GFM2: variants seen among roughly 807,000 people sequenced by gnomAD.
GFM2 encodes GTP dependent ribosome recycling factor mitochondrial 2.
A neutral mutation model predicts 95.4 loss-of-function variants in GFM2; 72 were observed. The observed-to-expected ratio is 0.76, with a 90% confidence interval of 0.62 to 0.92. The LOEUF is 0.92. GFM2 is among the 40% of genes least tolerant of loss of function. GFM2 has a pLI of 0.00. For missense variants in GFM2, 825 were observed against 924.1 expected, an observed-to-expected ratio of 0.89 and a Z score of 1.39; for synonymous variants, 276 against 317.5, an observed-to-expected ratio of 0.87 and a Z score of 1.39.
At chr5:74,756,434 C>T (rs1366008803) in intron 5 of GFM2, among the ~76,000 whole-genome samples, 3 of 152,118 alleles carry the variant, frequency 2.0e-5, no homozygotes, top group Non-Finnish European at 4.4e-5. Flanking sequence ...TTTATCCACT[C>T]ATTGATTGGC....
In GFM2 at chr5:74,728,748, C is replaced by CTTTTTTT. The variant is rs57180600; in HGVS notation, c.1726+1505_1726+1511dup. 5.5e-4 allele frequency among the ~76,000 whole-genome samples: 32 copies of CTTTTTTT among 58,244 alleles called. 1 individual carries two copies. Among genetic ancestry groups the CTTTTTTT allele is most frequent in the African/African-American group, 9.8e-4 (16 of 16,248 alleles). The allele number at this position is 58,244 out of a possible 152,430, so 38.2% of individuals were successfully genotyped here. A position where few individuals can be genotyped will look rare whatever the true frequency, so the allele number is the denominator to read the frequency against. ...AATATTCTTTTATGTGTGGGGGTTTCTTTTTTTTTTTTTTTTTTTTTTTTT... is the reference window on the plus strand; with the variant it reads ...AATATTCTTTTATGTGTGGGGGTTTCTTTTTTTTTTTTTTTTTTTTTTTTTTTTTTTT... On this transcript the variant is annotated intron_variant, in intron 17 of 20. Transcript: ENST00000296805.
At chr5:74,738,778 G>T in intron 12 of GFM2, 136 bp from the exon 13 acceptor site, 1 of 709,366 alleles carries the variant, frequency 1.4e-6, no homozygotes. Context: ...TCTTTGTTAC[G>T]TAACTCTCTT....
chr5:74,760,855 A>G (rs2112364883), intron 3 of GFM2, 47 bp downstream of exon 3: 1 of 1,182,720 alleles, frequency 8.5e-7, no homozygotes, highest in East Asian at 2.3e-5. Flanking sequence ...GAGAAAAGAG[A>G]TAAAGCAAAC....
intron 1 of GFM2, among the ~76,000 whole-genome samples, chr5:74,764,436 G>A (rs527847775): frequency 1.6e-4 from 24 of 152,244 alleles, no homozygotes; most frequent in South Asian, 1.0e-3. Context: ...TGCGGCCCAC[G>A]ATATCTTTAT....
At position 74,722,542 on chromosome 5, in the gene GFM2, T is replaced by A. The variant is rs748309595; in HGVS notation, c.2048A>T (p.Lys683Met). 1 of 1,612,510 alleles carries A rather than the reference T, an allele frequency of 6.2e-7. No individual in the cohort carries two copies. The highest frequency in any genetic ancestry group is 1.3e-5 in the African/African-American group (1 of 74,826). Residue 683 changes from lysine (K) to methionine (M), a missense_variant, in exon 20 of 21, where the codon AAG becomes ATG. Coordinates refer to ENST00000296805, the MANE Select transcript of GFM2 (RefSeq NM_032380.5). ...ATTCATCAGAGGCTCCAAAACTTGC[T>A]TATCAGCTTTCTTCAGAGCCTAAAG... ...CVQKALKKAD[K>M]QVLEPLMNLE...
chr5:74,730,554 CT>C, intron 16 of GFM2, 156 bp from the exon 17 acceptor site: 1 of 460,232 alleles, frequency 2.2e-6, no homozygotes, highest in Non-Finnish European at 3.7e-6. Context: ...CAAAACATTG[CT>C]TTTGACTTTT....
At chr5:74,762,508 A>C (rs1314695320) in intron 2 of GFM2, among the ~76,000 whole-genome samples, 2 of 152,242 alleles carry the variant, frequency 1.3e-5, no homozygotes, top group Non-Finnish European at 2.9e-5. Context: ...TAGAAGATTC[A>C]TTCCTACCAT....
In GFM2 at chr5:74,735,871, T is replaced by C. The variant is rs188422285; in HGVS notation, c.1510+925A>G. Among the ~76,000 whole-genome samples, 548 of 152,292 alleles carry C rather than the reference T, an allele frequency of 3.6e-3. 6 individuals carry two copies. The highest frequency in any genetic ancestry group is 0.013 in the African/African-American group (526 of 41,558). ...GCAGAGACTACTAGCAGCCTTCCAC[T>C]CTACTCTGCTGCTGCCTACTTAAAA... On this transcript the variant is annotated intron_variant, in intron 15 of 20. Transcript: ENST00000296805.
At position 74,740,135 on chromosome 5, in the gene GFM2, TAGCTACAGAGCAGAGATACAAA is replaced by T; in HGVS notation, c.931-20_932del. The T allele has an allele frequency of 6.3e-7, 1 of 1,596,424 alleles. No individual in the cohort carries two copies. The highest frequency in any genetic ancestry group is 2.3e-5 in the East Asian group (1 of 44,016). On this transcript the variant is annotated splice_acceptor_variant and splice_polypyrimidine_tract_variant and coding_sequence_variant and intron_variant, in exon 12 of 21. Transcript: ENST00000296805. LOFTEE classifies it high-confidence loss of function. ...GTGTCACTCTATGTATTGCAGTCTG[TAGCTACAGAGCAGAGATACAAA>T]TGAGCATTTATTTTGTGTACTGGTC...
In GFM2 at chr5:74,740,055, A is replaced by G. The variant is rs1347972437; in HGVS notation, c.1013T>C (p.Ile338Thr). ...LCGSALKNKG[I>T]QPLLDAVTMY... ...AGTAACAGCATCTAACAAGGGCTGTATCCCTTTGTTTTTCAGGGCACTTCC... is the reference window on the plus strand; with the variant it reads ...AGTAACAGCATCTAACAAGGGCTGTGTCCCTTTGTTTTTCAGGGCACTTCC... Residue 338 changes from isoleucine to threonine, a missense_variant, in exon 12 of 21, where the codon ATA (isoleucine) becomes ACA (threonine). By Grantham distance (89) the Ile-to-Thr change is moderately conservative. Transcript: ENST00000296805. The G allele has an allele frequency of 6.2e-7, 1 of 1,606,556 alleles. No individual in the cohort carries two copies. The highest frequency in any genetic ancestry group is 1.7e-5 in the Admixed American group (1 of 58,782).
intron 17 of GFM2, among the ~76,000 whole-genome samples, chr5:74,729,675 C>T (rs569155060): frequency 1.4e-4 from 20 of 141,194 alleles, no homozygotes; most frequent in African/African-American, 4.5e-4. Flanking sequence ...TTATCCTAAA[C>T]GTCTTTTTTT....
At position 74,721,259 on chromosome 5, in the gene GFM2, TTTTTGAATAAAATA is replaced by T; in HGVS notation, c.*382_*395del. On this transcript the variant is annotated 3_prime_UTR_variant, in exon 21 of 21. Coordinates refer to ENST00000296805, the MANE Select transcript of GFM2 (RefSeq NM_032380.5). ...CATGTAAAATAAGATATTAGACTGT[TTTTTGAATAAAATA>T]TTTTTATTGATTGAACCTTTGACCC... 1 of 1,096,014 alleles carries T rather than the reference TTTTTGAATAAAATA, an allele frequency of 9.1e-7. No individual in the cohort carries two copies. The allele number at this position is 1,096,014 out of a possible 1,614,324, so 67.9% of individuals were successfully genotyped here. A position where few individuals can be genotyped will look rare whatever the true frequency, so the allele number is the denominator to read the frequency against.
At chr5:74,751,201 A>G (rs1743686704) in intron 6 of GFM2, among the ~76,000 whole-genome samples, 167 bp downstream of exon 6, 1 of 152,204 alleles carries the variant, frequency 6.6e-6, no homozygotes, top group Non-Finnish European at 1.5e-5. Flanking sequence ...TTTCACAGCA[A>G]TGTGATTATA....
At chr5:74,761,946 G>C (rs1195474868) in intron 2 of GFM2, among the ~76,000 whole-genome samples, 1 of 152,128 alleles carries the variant, frequency 6.6e-6, no homozygotes. Flanking sequence ...GCAATAATAA[G>C]CTACTATCCT....
In GFM2 at chr5:74,740,061, T is replaced by G. The variant is rs371112042; in HGVS notation, c.1007A>C (p.Lys336Thr). 6.2e-7 allele frequency: 1 copy of G among 1,606,850 alleles called. No homozygotes were observed. Among genetic ancestry groups the G allele is most frequent in the African/African-American group, 1.3e-5 (1 of 74,400 alleles). The change falls in exon 12 of 21, where the codon AAA (lysine) becomes ACA (threonine). Residue 336 changes from lysine (K) to threonine (T), a missense_variant. Transcript: ENST00000296805. ...AGCATCTAACAAGGGCTGTATCCCT[T>G]TGTTTTTCAGGGCACTTCCACAAAG... ...PVLCGSALKN[K>T]GIQPLLDAVT...
intron 19 of GFM2, among the ~76,000 whole-genome samples, chr5:74,724,600 A>C (rs1353955317): frequency 6.6e-6 from 1 of 152,192 alleles, no homozygotes; most frequent in African/African-American, 2.4e-5. Context: ...CTTTTTTCAA[A>C]GCTTTGTTTT....
At chr5:74,758,171 G>C (rs1744095459) in intron 5 of GFM2, among the ~76,000 whole-genome samples, 1 of 152,082 alleles carries the variant, frequency 6.6e-6, no homozygotes. Context: ...TTTAACTTCT[G>C]GTTACTTTTT....
Position 74,750,679 on chromosome 5 carries a change from A to G in GFM2, c.431-12T>C. The G allele has an allele frequency of 1.3e-6, 2 of 1,587,066 alleles. No homozygotes were observed. Among genetic ancestry groups the G allele is most frequent in the East Asian group, 4.5e-5 (2 of 44,656 alleles). On this transcript the variant is annotated splice_polypyrimidine_tract_variant and intron_variant, in intron 6 of 20. Transcript: ENST00000296805. ...AAAGTCCACATGACCTAAGAAAAAGATAAGACGTATAATGCCTTCTTTTTA... is the reference window on the plus strand; with the variant it reads ...AAAGTCCACATGACCTAAGAAAAAGGTAAGACGTATAATGCCTTCTTTTTA...
chr5:74,733,333 A>AAT, intron 15 of GFM2: 14 of 358,534 alleles, frequency 3.9e-5, no homozygotes, highest in East Asian at 1.0e-4. Context: ...TTTACAAAAA[A>AAT]AGAAAAAAAA....
Sources: gnomAD v4.1 joint callset for allele counts (sites outside exome capture counted in the v4.1 genomes callset) on GRCh38, gnomAD v4.1.1 for gene constraint, MANE v1.5 for transcripts, NCBI Gene and HGNC (gene_info 2026-07-23, HGNC 2026-07-21) for gene names.